Variants in POLA1 observed in about 807,000 individuals in gnomAD.
POLA1 encodes DNA polymerase alpha catalytic subunit.
In POLA1, 15 loss-of-function variants were observed where a neutral mutation model predicts 124.0. The observed-to-expected ratio is 0.12, with a 90% CI of 0.08 to 0.19. The LOEUF is 0.19. Among genes scored for constraint, POLA1 ranks in the 10% least tolerant of loss-of-function variants. The probability of loss-of-function intolerance (pLI) is 1.00; values close to 1 mark genes in which losing one functional copy is unlikely to be tolerated. For synonymous variants in POLA1, 408 were observed against 389.4 expected, an observed-to-expected ratio of 1.05 and a Z score of -0.56; for missense variants, 886 against 1,103.4, an observed-to-expected ratio of 0.80 and a Z score of 2.79.
intron 35 of POLA1, among the ~76,000 whole-genome samples, chrX:24,919,854 T>G (rs1330810377): frequency 4.4e-5 from 4 of 90,806 alleles, no homozygotes; most frequent in Non-Finnish European, 8.7e-5. Context: ...TGTTTTTTTT[T>G]TTTTTTTTTT....
chrX:24,958,271 C>A (rs1264029348), intron 36 of POLA1, among the ~76,000 whole-genome samples: 2 of 111,807 alleles, frequency 1.8e-5, no homozygotes, highest in East Asian at 2.8e-4. Flanking sequence ...GCTCCCACTT[C>A]TCCTTTGTAA....
At chrX:24,914,774 A>G (rs1022982745) in intron 35 of POLA1, among the ~76,000 whole-genome samples, 4 of 111,484 alleles carry the variant, frequency 3.6e-5, no homozygotes, top group Non-Finnish European at 5.6e-5. Context: ...TTATTTATCC[A>G]GCGGGAGCAT....
At chrX:24,880,605 A>T (rs1180211276) in intron 34 of POLA1, among the ~76,000 whole-genome samples, 1 of 111,822 alleles carries the variant, frequency 8.9e-6, no homozygotes, top group Non-Finnish European at 1.9e-5. Flanking sequence ...ATTTTCTCCC[A>T]GTTTTGGGTA....
chrX:24,732,568 C>A (rs1411186171), intron 16 of POLA1, 114 bp downstream of exon 16: 2 of 363,261 alleles, frequency 5.5e-6, no homozygotes, highest in Non-Finnish European at 9.5e-6. Context: ...AAGAATAGTG[C>A]ATATTGTTAA....
chrX:24,884,676 A>C (rs764793293), intron 34 of POLA1, among the ~76,000 whole-genome samples: 42 of 112,308 alleles, frequency 3.7e-4, no homozygotes, highest in African/African-American at 1.3e-3. Context: ...AAGCATAAAG[A>C]GTTACAGGCT....
intron 35 of POLA1, among the ~76,000 whole-genome samples, chrX:24,914,049 T>A (rs1048171850): frequency 8.2e-5 from 9 of 109,514 alleles, no homozygotes; most frequent in Admixed American, 9.8e-5. Context: ...AATAATTTTT[T>A]AAAAAAAGTC....
chrX:24,751,766 G>A (rs912267779), intron 26 of POLA1, among the ~76,000 whole-genome samples: 1 of 112,177 alleles, frequency 8.9e-6, no homozygotes, highest in South Asian at 3.7e-4. Context: ...TTGGGTTAGC[G>A]TCTCTTAATT....
chrX:24,949,398 G>T (rs1401536444), intron 36 of POLA1, among the ~76,000 whole-genome samples: 1 of 111,498 alleles, frequency 9.0e-6, no homozygotes. Flanking sequence ...CAGCTAAGCA[G>T]TTTGGACAGA....
At chrX:24,872,477 A>G (rs2046878865) in intron 34 of POLA1, among the ~76,000 whole-genome samples, 1 of 111,932 alleles carries the variant, frequency 8.9e-6, no homozygotes, top group Admixed American at 9.5e-5. Context: ...GGACCACTCA[A>G]CATTTTAGGA....
At chrX:24,923,444 C>T (rs759495474) in intron 35 of POLA1, among the ~76,000 whole-genome samples, 12 of 111,052 alleles carry the variant, frequency 1.1e-4, no homozygotes, top group Non-Finnish European at 2.1e-4. Flanking sequence ...TTTCCTGATG[C>T]TTATTCAGCA....
chrX:24,867,435 T>C (rs1006842900), intron 34 of POLA1, among the ~76,000 whole-genome samples: 1 of 111,813 alleles, frequency 8.9e-6, no homozygotes, highest in African/African-American at 3.2e-5. Flanking sequence ...TATAAGGACT[T>C]AGTCTTTTCA....
chrX:24,831,741 A>G (rs1277867136), intron 32 of POLA1, among the ~76,000 whole-genome samples: 1 of 112,684 alleles, frequency 8.9e-6, no homozygotes, highest in Non-Finnish European at 1.9e-5. Flanking sequence ...AATATTTTCT[A>G]TAACATAATT....
chrX:24,930,910 A>G (rs1049777923), intron 36 of POLA1, among the ~76,000 whole-genome samples: 1 of 112,364 alleles, frequency 8.9e-6, no homozygotes, highest in African/African-American at 3.2e-5. Context: ...ACCAGATATT[A>G]CTGCAAAAAA....
chrX:24,713,254 C>T (rs1156632628), intron 4 of POLA1, among the ~76,000 whole-genome samples: 6 of 111,128 alleles, frequency 5.4e-5, no homozygotes, highest in Non-Finnish European at 1.1e-4. Context: ...TGAGCCACCG[C>T]GCCTGGCCTA....
chrX:24,709,384 G>C (rs1357249391), intron 4 of POLA1, among the ~76,000 whole-genome samples: 1 of 96,011 alleles, frequency 1.0e-5, no homozygotes, highest in East Asian at 3.7e-4. Context: ...CTGGCCAGGC[G>C]GGGGGCTGAC....
At chrX:24,951,828 G>A (rs1033133180) in intron 36 of POLA1, among the ~76,000 whole-genome samples, 2 of 111,510 alleles carry the variant, frequency 1.8e-5, no homozygotes, top group African/African-American at 6.5e-5. Context: ...TGGAAACTGA[G>A]AATGCCTTCT....
intron 1 of POLA1, among the ~76,000 whole-genome samples, chrX:24,696,463 A>G (rs927655200): frequency 3.6e-5 from 4 of 111,992 alleles, no homozygotes; most frequent in Admixed American, 1.9e-4. Context: ...AGCTGTTGCT[A>G]CTTGTAGAAT....
At chrX:24,934,772 G>A (rs1047232641) in intron 36 of POLA1, among the ~76,000 whole-genome samples, 2 of 111,855 alleles carry the variant, frequency 1.8e-5, no homozygotes, top group African/African-American at 3.3e-5. Context: ...ACCCAGACTC[G>A]AATGCAGTGG....
In POLA1 at chrX:24,767,488, A is replaced by C. The variant is rs923163883; in HGVS notation, c.2964+18496A>C. ...TAAATTGGAGACAATAATAGCTGAGATATATTAAGCATATGATCCTGTTAG... is the reference window on the plus strand; with the variant it reads ...TAAATTGGAGACAATAATAGCTGAGCTATATTAAGCATATGATCCTGTTAG... On this transcript the variant is annotated intron_variant, in intron 26 of 36. Transcript: ENST00000379068. Among the ~76,000 whole-genome samples the C allele has an allele frequency of 3.6e-5, 4 of 112,011 alleles. No individual in the cohort carries two copies. In the Admixed American group the frequency reaches 3.8e-4, roughly 11 times the overall value.
Sources: allele counts gnomAD v4.1 joint callset (sites outside exome capture counted in the v4.1 genomes callset), GRCh38; gene constraint gnomAD v4.1.1; transcripts MANE v1.5; gene names NCBI Gene and HGNC (gene_info 2026-07-23, HGNC 2026-07-21).